The following DOCK3 variants were observed in gnomAD, a reference collection of about 807,000 sequenced individuals.
DOCK3 encodes dedicator of cytokinesis 3.
Under a neutral mutation model 265.6 loss-of-function variants are expected in DOCK3, and 60 were observed. The ratio of observed to expected loss-of-function variants is 0.23; its 90% confidence interval spans 0.18 to 0.28. The LOEUF (loss-of-function observed/expected upper bound fraction) is 0.28, where lower values mean the gene tolerates loss of function less well. Ranked by LOEUF, DOCK3 falls within the 10% of genes least tolerant of loss-of-function variation. The pLI is 1.00. For synonymous variants in DOCK3, 881 were observed against 938.0 expected (o/e 0.94, Z 1.11); for missense variants, 1,981 against 2,594.3 (o/e 0.76, Z 5.14).
At chr3:50,754,520 T>A (rs1456167391) in intron 1 of DOCK3, among the ~76,000 whole-genome samples, 5 of 151,934 alleles carry the variant, frequency 3.3e-5, no homozygotes, top group Non-Finnish European at 7.4e-5. Flanking sequence ...TGCTGCAAAT[T>A]TGAGTGAGAA....
intron 5 of DOCK3, among the ~76,000 whole-genome samples, chr3:50,969,166 G>T (rs2077120243): frequency 6.6e-6 from 1 of 151,860 alleles, no homozygotes; most frequent in African/African-American, 2.4e-5. Context: ...CTGGTTTTGG[G>T]GCATGTATAT....
At chr3:50,906,003 T>C (rs1389696804) in intron 4 of DOCK3, among the ~76,000 whole-genome samples, 1 of 152,118 alleles carries the variant, frequency 6.6e-6, no homozygotes, top group African/African-American at 2.4e-5. Flanking sequence ...AGGCCTTTTC[T>C]GCATCTATTG....
At chr3:50,719,542 A>G in intron 1 of DOCK3, 1 of 1,229,120 alleles carries the variant, frequency 8.1e-7, no homozygotes, top group Non-Finnish European at 1.2e-6. Context: ...TTCTGGATCT[A>G]GAGCACTCCA....
At chr3:51,290,084 G>C (rs1576669763) in intron 27 of DOCK3, among the ~76,000 whole-genome samples, 1 of 152,190 alleles carries the variant, frequency 6.6e-6, no homozygotes, top group East Asian at 1.9e-4. Flanking sequence ...TACACTGTTG[G>C]TGGGACTGTA....
intron 40 of DOCK3, among the ~76,000 whole-genome samples, 183 bp downstream of exon 40, chr3:51,350,575 T>C (rs986124374): frequency 6.6e-6 from 1 of 152,258 alleles, no homozygotes; most frequent in Non-Finnish European, 1.5e-5. Flanking sequence ...GACTCTGTTT[T>C]AGTCTGCTCT....
chr3:51,195,046 C>T (rs992237151), intron 12 of DOCK3, among the ~76,000 whole-genome samples: 1 of 151,904 alleles, frequency 6.6e-6, no homozygotes, highest in African/African-American at 2.4e-5. Context: ...AGGATGGTCT[C>T]GATCTCTTGA....
chr3:51,361,819 A>G lies in DOCK3; in HGVS notation c.5007-40A>G, dbSNP rs1394016391. ...CTCTACTGTCCCCCTGCCACCTGCCATGGGCCTGACTCCTCCCTATTTCCC... is the reference window on the plus strand; with the variant it reads ...CTCTACTGTCCCCCTGCCACCTGCCGTGGGCCTGACTCCTCCCTATTTCCC... On this transcript the variant is annotated intron_variant, in intron 47 of 52. Coordinates refer to ENST00000266037, the MANE Select transcript of DOCK3 (RefSeq NM_004947.5). The surrounding 1 kb of genome is among the most constrained non-coding windows in gnomAD (Gnocchi z 4.2). The G allele has an allele frequency of 1.9e-6, 3 of 1,600,596 alleles. No individual in the cohort carries two copies. The highest frequency in any genetic ancestry group is 1.7e-6 in the Non-Finnish European group (2 of 1,173,220).
At chr3:50,763,536 G>GC (rs1039715898) in intron 1 of DOCK3, among the ~76,000 whole-genome samples, 1 of 152,042 alleles carries the variant, frequency 6.6e-6, no homozygotes, top group African/African-American at 2.4e-5. Flanking sequence ...ACCTGCTGCG[G>GC]CCCCCCAAAG....
intron 14 of DOCK3, among the ~76,000 whole-genome samples, chr3:51,220,709 G>GTGTGTGTGTGTATA (rs1208536854): frequency 1.1e-4 from 14 of 132,384 alleles, no homozygotes; most frequent in African/African-American, 3.6e-4. Context: ...GTGTGTGTGT[G>GTGTGTGTGTGTATA]TATATATATA....
intron 9 of DOCK3, among the ~76,000 whole-genome samples, chr3:51,121,542 A>C (rs968428219): frequency 1.7e-4 from 26 of 152,320 alleles, no homozygotes; most frequent in African/African-American, 5.8e-4. Flanking sequence ...TCAGTGGGGC[A>C]TTATTCCACA....
intron 38 of DOCK3, among the ~76,000 whole-genome samples, chr3:51,347,549 G>A (rs1399397893): frequency 6.6e-6 from 1 of 152,190 alleles, no homozygotes; most frequent in Non-Finnish European, 1.5e-5. Flanking sequence ...TAGCCTTGTA[G>A]TATAGTTTGA....
chr3:51,254,887 T>G (rs535298971), intron 22 of DOCK3, among the ~76,000 whole-genome samples: 2 of 152,234 alleles, frequency 1.3e-5, no homozygotes, highest in South Asian at 4.1e-4. Flanking sequence ...AATATAGTTA[T>G]ATGTGAATTT....
rs542522457 is a variant in DOCK3, at chr3:51,195,279, G to A, written c.1038-13495G>A. On this transcript the variant is annotated intron_variant, in intron 12 of 52. Coordinates refer to ENST00000266037, the MANE Select transcript of DOCK3 (RefSeq NM_004947.5). ...TTCTGTCATTTATTAATTGTTTTCTGACTTTTTTATATAATTTGGTTCCTT... is the reference window on the plus strand; with the variant it reads ...TTCTGTCATTTATTAATTGTTTTCTAACTTTTTTATATAATTTGGTTCCTT... Among the ~76,000 whole-genome samples, 4 of 152,152 alleles carry A rather than the reference G, an allele frequency of 2.6e-5. No individual in the cohort carries two copies. The East Asian group carries it at 7.7e-4, about 29-fold the overall frequency.
intron 12 of DOCK3, among the ~76,000 whole-genome samples, chr3:51,179,477 T>C (rs1367356391): frequency 6.6e-6 from 1 of 152,226 alleles, no homozygotes; most frequent in Non-Finnish European, 1.5e-5. Flanking sequence ...TTCATTGCCA[T>C]TAGGAGGCCT....
chr3:51,187,751 C>CTT (rs1222615450), intron 12 of DOCK3, among the ~76,000 whole-genome samples: 136 of 112,108 alleles, frequency 1.2e-3, no homozygotes, highest in African/African-American at 2.0e-3. Flanking sequence ...TCTGCACAAG[C>CTT]TTTTTTTTTT....
intron 5 of DOCK3, among the ~76,000 whole-genome samples, chr3:51,016,567 A>G (rs1357219839): frequency 2.2e-5 from 2 of 89,188 alleles, no homozygotes; most frequent in Non-Finnish European, 3.8e-5. Flanking sequence ...CATATATTAT[A>G]TATATATTTA....
chr3:51,375,708 G>A (rs1286144990), intron 50 of DOCK3, 40 bp from the exon 51 acceptor site: 5 of 1,611,406 alleles, frequency 3.1e-6, no homozygotes, highest in Non-Finnish European at 4.2e-6. Flanking sequence ...GATATAATTG[G>A]TTGTTTTCAC....
At chr3:50,741,828 T>C (rs1267703337) in intron 1 of DOCK3, among the ~76,000 whole-genome samples, 1 of 152,210 alleles carries the variant, frequency 6.6e-6, no homozygotes, top group Non-Finnish European at 1.5e-5. Context: ...TTTCTAGTTC[T>C]AGATTCCTGA....
chr3:51,238,388 T>C lies in DOCK3; in HGVS notation c.2102+798T>C, dbSNP rs9814260. Among the ~76,000 whole-genome samples the C allele has an allele frequency of 4.1e-3, 625 of 152,046 alleles. 3 individuals are homozygous for C. Among genetic ancestry groups the C allele is most frequent in the African/African-American group, 0.013 (543 of 41,478 alleles). ...TGATCTCCTGACCTCATGATCCACC[T>C]GCCTTGGCCTCCCAAAGTGCTGGGA... is the stretch of plus-strand genomic sequence containing the variant. On this transcript the variant is annotated intron_variant, in intron 21 of 52. Coordinates refer to ENST00000266037, the MANE Select transcript of DOCK3 (RefSeq NM_004947.5).
Sources: gnomAD v4.1 joint callset for allele counts (sites outside exome capture counted in the v4.1 genomes callset) on GRCh38, gnomAD v4.1.1 for gene constraint, Gnocchi (gnomAD v3.1) non-coding constraint, MANE v1.5 for transcripts, NCBI Gene and HGNC (gene_info 2026-07-23, HGNC 2026-07-21) for gene names.